The following ZBTB16 variants were observed in gnomAD, a reference collection of about 807,000 sequenced individuals.
ZBTB16 encodes zinc finger and BTB domain-containing protein 16.
Under a neutral mutation model 56.8 loss-of-function variants are expected in ZBTB16, and 8 were observed. That is an observed-to-expected ratio of 0.14 (90% CI 0.08 to 0.25). The LOEUF (loss-of-function observed/expected upper bound fraction) is 0.25. ZBTB16 is among the 10% of genes least tolerant of loss of function. The probability of loss-of-function intolerance (pLI) is 1.00; values close to 1 mark genes in which losing one functional copy is unlikely to be tolerated. For missense variants in ZBTB16, 625 were observed against 903.0 expected (o/e 0.69, Z 3.95); for synonymous variants, 363 against 368.5 (o/e 0.98, Z 0.17).
chr11:114,121,263 G>T (rs959871248), intron 2 of ZBTB16, among the ~76,000 whole-genome samples: 4 of 152,170 alleles, frequency 2.6e-5, no homozygotes, highest in Non-Finnish European at 5.9e-5. Flanking sequence ...TGCTGGTGTG[G>T]TCACTGAAGG....
At chr11:114,202,013 G>A (rs1032714515) in intron 4 of ZBTB16, among the ~76,000 whole-genome samples, 1 of 152,220 alleles carries the variant, frequency 6.6e-6, no homozygotes, top group Non-Finnish European at 1.5e-5. Context: ...ATGGACATCA[G>A]TATCTCAGCC....
chr11:114,145,138 A>G (rs1214240351), intron 2 of ZBTB16, among the ~76,000 whole-genome samples: 1 of 152,258 alleles, frequency 6.6e-6, no homozygotes, highest in African/African-American at 2.4e-5. Context: ...CTTTTACAGC[A>G]GAGGAAATCT....
intron 3 of ZBTB16, among the ~76,000 whole-genome samples, chr11:114,169,555 CA>C (rs1451344417): frequency 2.0e-5 from 3 of 152,188 alleles, no homozygotes; most frequent in Non-Finnish European, 2.9e-5. Context: ...AGTCATTCAT[CA>C]GTTAGCAACT....
intron 3 of ZBTB16, among the ~76,000 whole-genome samples, chr11:114,173,947 G>A (rs1339795981): frequency 6.6e-6 from 1 of 152,362 alleles, no homozygotes; most frequent in East Asian, 1.9e-4. Flanking sequence ...AGGGAGTTAA[G>A]CATGGAGGTA....
chr11:114,132,187 C>T (rs117628871), intron 2 of ZBTB16, among the ~76,000 whole-genome samples: 376 of 152,054 alleles, frequency 2.5e-3, no homozygotes, highest in Non-Finnish European at 4.5e-3. Flanking sequence ...CTGTACAAGA[C>T]GGGTTAAATG....
In ZBTB16 at chr11:114,060,021, T is replaced by G; in HGVS notation, c.-91+139T>G. 2.6e-6 allele frequency: 1 copy of G among 377,418 alleles called. No individual in the cohort carries two copies. The highest frequency in any genetic ancestry group is 4.7e-6 in the Non-Finnish European group (1 of 213,018). The allele number at this position is 377,418 out of a possible 1,614,324, so 23.4% of individuals were successfully genotyped here. On this transcript the variant is annotated intron_variant, in intron 1 of 6. Coordinates refer to ENST00000335953, the MANE Select transcript of ZBTB16 (RefSeq NM_006006.6). The surrounding 1 kb of genome is among the most constrained non-coding windows in gnomAD (Gnocchi z 6.0). ...GCTTGTGCCTTTTTTATTTGGCGTG[T>G]TCCCTTCCTGCCGCTGCAGCCGTCG...
At chr11:114,095,235 CTTTTCTTTTCT>C (rs1476171271) in intron 2 of ZBTB16, among the ~76,000 whole-genome samples, 166 of 76,874 alleles carry the variant, frequency 2.2e-3, no homozygotes, top group African/African-American at 9.1e-3. Context: ...AATTTCTTTT[CTTTTCTTTTCT>C]TTTTTTTTTT....
intron 5 of ZBTB16, 193 bp from the exon 6 acceptor site, chr11:114,247,005 T>A: frequency 1.5e-6 from 1 of 685,712 alleles, no homozygotes; most frequent in South Asian, 1.8e-5. Context: ...GGGGCCACAG[T>A]AAAGTATGGT....
chr11:114,145,478 T>G (rs1436304747), intron 2 of ZBTB16, among the ~76,000 whole-genome samples: 1 of 152,218 alleles, frequency 6.6e-6, no homozygotes. Flanking sequence ...AACAAAGTAC[T>G]GATACAAGCT....
intron 2 of ZBTB16, among the ~76,000 whole-genome samples, chr11:114,081,436 T>G (rs1939755394): frequency 6.6e-6 from 1 of 152,154 alleles, no homozygotes; most frequent in Non-Finnish European, 1.5e-5. Context: ...GAATAGGAAA[T>G]GGAAAGACTA....
At chr11:114,107,194 C>G (rs976075728) in intron 2 of ZBTB16, among the ~76,000 whole-genome samples, 3 of 152,120 alleles carry the variant, frequency 2.0e-5, no homozygotes, top group Non-Finnish European at 4.4e-5. Flanking sequence ...CGCAAGGTCA[C>G]GCTGTCAACA....
At position 114,086,383 on chromosome 11, in the gene ZBTB16, G is replaced by A. The variant is rs150105655; in HGVS notation, c.1268+21815G>A. ...CTCAAGTCAGGCTTCTCTGGGAAGC[G>A]CTGTCTGTCTGTCTTGGTGCTTGCT... On this transcript the variant is annotated intron_variant, in intron 2 of 6. Coordinates refer to ENST00000335953, the MANE Select transcript of ZBTB16 (RefSeq NM_006006.6). Among the ~76,000 whole-genome samples the A allele has an allele frequency of 3.5e-3, 528 of 152,048 alleles. 4 individuals are homozygous for A. Among genetic ancestry groups the A allele is most frequent in the African/African-American group, 0.012 (492 of 41,450 alleles).
At chr11:114,104,088 A>G (rs1377621212) in intron 2 of ZBTB16, among the ~76,000 whole-genome samples, 1 of 152,160 alleles carries the variant, frequency 6.6e-6, no homozygotes, top group Non-Finnish European at 1.5e-5. Flanking sequence ...TAGAAACCAA[A>G]TTAGGCACCT....
At chr11:114,249,327 C>T (rs182997263) in intron 6 of ZBTB16, among the ~76,000 whole-genome samples, 3,399 of 151,578 alleles carry the variant, frequency 0.022, 89 homozygotes, top group Non-Finnish European at 0.03. Context: ...GGCATGGTGG[C>T]GGCACCTGTG....
chr11:114,161,035 G>T (rs930986345), intron 3 of ZBTB16, among the ~76,000 whole-genome samples: 3 of 152,108 alleles, frequency 2.0e-5, no homozygotes, highest in Non-Finnish European at 4.4e-5. Context: ...ACCCCTTTTG[G>T]GGATCTGGCA....
chr11:114,078,882 C>A (rs767513967), intron 2 of ZBTB16, among the ~76,000 whole-genome samples: 3 of 151,854 alleles, frequency 2.0e-5, no homozygotes, highest in Non-Finnish European at 4.4e-5. Context: ...CATGGTGAAA[C>A]CCAGTCTCTA....
At chr11:114,206,137 G>A (rs528662868) in intron 4 of ZBTB16, among the ~76,000 whole-genome samples, 1 of 152,260 alleles carries the variant, frequency 6.6e-6, no homozygotes, top group African/African-American at 2.4e-5. Flanking sequence ...GTGCCATATC[G>A]CCAACCTTTC....
chr11:114,200,778 C>G (rs1284205020), intron 4 of ZBTB16, among the ~76,000 whole-genome samples: 1 of 152,188 alleles, frequency 6.6e-6, no homozygotes, highest in African/African-American at 2.4e-5. Flanking sequence ...TCCTTTATCC[C>G]TCTCTCTCCC....
chr11:114,100,710 T>C (rs143366872), intron 2 of ZBTB16, among the ~76,000 whole-genome samples: 16 of 152,312 alleles, frequency 1.1e-4, no homozygotes, highest in African/African-American at 3.1e-4. Context: ...TGAAACTCAA[T>C]GAGGACCCTT....
Sources: gnomAD v4.1 joint callset for allele counts (sites outside exome capture counted in the v4.1 genomes callset) on GRCh38, gnomAD v4.1.1 for gene constraint, Gnocchi (gnomAD v3.1) non-coding constraint, MANE v1.5 for transcripts, NCBI Gene and HGNC (gene_info 2026-07-23, HGNC 2026-07-21) for gene names.